LDLRAD4: variants seen among roughly 807,000 people sequenced by gnomAD.
LDLRAD4 encodes the protein low density lipoprotein receptor class A domain containing 4, also known as low-density lipoprotein receptor class A domain-containing protein 4.
In LDLRAD4, 5 loss-of-function variants were observed where a neutral mutation model predicts 17.0. That is an observed-to-expected ratio of 0.29 (90% CI 0.15 to 0.62). The LOEUF (loss-of-function observed/expected upper bound fraction) is 0.62. Among genes scored for constraint, LDLRAD4 ranks in the 20% least tolerant of loss-of-function variants. The pLI, the probability that LDLRAD4 is intolerant of heterozygous loss-of-function variation, is 0.84. For synonymous variants in LDLRAD4, 168 were observed against 171.8 expected, an observed-to-expected ratio of 0.98 and a Z score of 0.17; for missense variants, 340 against 424.7, an observed-to-expected ratio of 0.80 and a Z score of 1.75.
chr18:13,564,157 T>TA (rs2094569685), intron 3 of LDLRAD4, among the ~76,000 whole-genome samples: 1 of 152,248 alleles, frequency 6.6e-6, no homozygotes, highest in Admixed American at 6.5e-5. Flanking sequence ...GTTGGTATTA[T>TA]AGGCGTGAGT....
intron 2 of LDLRAD4, among the ~76,000 whole-genome samples, chr18:13,430,174 G>A (rs73956150): frequency 0.025 from 3,739 of 152,252 alleles, 131 homozygotes; most frequent in African/African-American, 0.085. Flanking sequence ...TGGGGCCCAC[G>A]TTTCTGCTGT....
intron 2 of LDLRAD4, among the ~76,000 whole-genome samples, 177 bp downstream of exon 3, chr18:13,387,939 C>T (rs2085950618): frequency 6.6e-6 from 1 of 152,172 alleles, no homozygotes; most frequent in Non-Finnish European, 1.5e-5. Flanking sequence ...TTTTCCTTCG[C>T]TCTCTCAATA....
intron 3 of LDLRAD4, among the ~76,000 whole-genome samples, chr18:13,457,326 A>C (rs972424392): frequency 6.6e-6 from 1 of 152,208 alleles, no homozygotes; most frequent in Non-Finnish European, 1.5e-5. Flanking sequence ...GGGGCAGGGC[A>C]TGGGGAAGAT....
rs1307004032 is a variant in LDLRAD4, at chr18:13,580,185, A to G, written c.182-40932A>G. Among the ~76,000 whole-genome samples the G allele has an allele frequency of 5.3e-5, 8 of 152,028 alleles. No individual in the cohort carries two copies. The East Asian group carries it at 1.5e-3, about 29-fold the overall frequency. ...TCTGTGCCTCGTGCATACTGTGCACACTCCCTGCTCAAAGCCTTCAGTGGC... is the reference window on the plus strand; with the variant it reads ...TCTGTGCCTCGTGCATACTGTGCACGCTCCCTGCTCAAAGCCTTCAGTGGC... On this transcript the variant is annotated intron_variant, in intron 3 of 5. Coordinates refer to ENST00000359446, the Ensembl canonical transcript of LDLRAD4.
chr18:13,277,020 A>G (rs754844357), upstream of LDLRAD4, among the ~76,000 whole-genome samples: 10 of 152,192 alleles, frequency 6.6e-5, no homozygotes, highest in Non-Finnish European at 1.2e-4. Flanking sequence ...TTCATCTCTC[A>G]GCAGGCAGGA....
chr18:13,271,476 C>G (rs900366080), intron 1 of LDLRAD4, among the ~76,000 whole-genome samples: 2 of 152,180 alleles, frequency 1.3e-5, no homozygotes, highest in South Asian at 2.1e-4. Flanking sequence ...CTTTTTGAGT[C>G]TGCCGAAGGA....
At chr18:13,420,801 A>G (rs1290543175) in intron 2 of LDLRAD4, 2 of 152,260 alleles carry the variant, frequency 1.3e-5, no homozygotes, top group Non-Finnish European at 2.9e-5. Flanking sequence ...ACAAATGACC[A>G]CAGAATACTC....
chr18:13,349,838 G>A (rs1440498920), intron 1 of LDLRAD4, among the ~76,000 whole-genome samples: 1 of 151,654 alleles, frequency 6.6e-6, no homozygotes, highest in East Asian at 1.9e-4. Context: ...CTGTGTCCGT[G>A]TGTTCTCACT....
At chr18:13,285,589 G>A (rs1305159008) in intron 1 of LDLRAD4, among the ~76,000 whole-genome samples, 1 of 152,218 alleles carries the variant, frequency 6.6e-6, no homozygotes, top group Non-Finnish European at 1.5e-5. Flanking sequence ...AGTGAGCTCA[G>A]TGCTTGGGAG....
rs78583500 is a variant in LDLRAD4, at chr18:13,551,569, G to A, written c.182-69548G>A. Among the ~76,000 whole-genome samples the A allele has an allele frequency of 4.5e-3, 691 of 152,270 alleles. 6 individuals carry two copies. Among genetic ancestry groups the A allele is most frequent in the African/African-American group, 0.016 (664 of 41,538 alleles). ...ATAGATGAAGAGTAGCCAAAACTCC[G>A]TAGAACTGGGGGGAGTTACTGAGCA... On this transcript the variant is annotated intron_variant, in intron 3 of 5. Transcript: ENST00000359446.
At chr18:13,581,154 C>T (rs920821168) in intron 3 of LDLRAD4, among the ~76,000 whole-genome samples, 2 of 152,054 alleles carry the variant, frequency 1.3e-5, no homozygotes, top group African/African-American at 4.8e-5. Flanking sequence ...TTATGCAGTG[C>T]GTAATAATTT....
rs2040703661 is a variant in LDLRAD4, at chr18:13,622,019, CG to C, written c.336+749del. On this transcript the variant is annotated intron_variant, in intron 4 of 5. Transcript: ENST00000359446. This position sits in a 1 kb window ranked among gnomAD's most constrained non-coding sequence, Gnocchi z 5.3. ...GGTTAGGAGCGGTGAGTTCAGCGAG[CG>C]TATAAATCCTTGGCTTCCGTGATGG... 6.6e-6 allele frequency among the ~76,000 whole-genome samples: 1 copy of C among 152,152 alleles called. No homozygotes were observed. The highest frequency in any genetic ancestry group is 1.5e-5 in the Non-Finnish European group (1 of 68,004).
chr18:13,566,542 T>C (rs2094604906), intron 3 of LDLRAD4, among the ~76,000 whole-genome samples: 1 of 152,122 alleles, frequency 6.6e-6, no homozygotes, highest in Non-Finnish European at 1.5e-5. Flanking sequence ...TTTGTATTTT[T>C]AGTAGAGACG....
At chr18:13,562,629 A>T (rs1008064328) in intron 3 of LDLRAD4, among the ~76,000 whole-genome samples, 12 of 152,118 alleles carry the variant, frequency 7.9e-5, no homozygotes, top group Non-Finnish European at 7.3e-5. Context: ...TTTGACTAAC[A>T]TCTCCCCATC....
At chr18:13,495,111 A>G (rs76464542) in intron 3 of LDLRAD4, among the ~76,000 whole-genome samples, 11,994 of 152,198 alleles carry the variant, frequency 0.079, 511 homozygotes, top group Non-Finnish European at 0.097. Flanking sequence ...GAATATACAT[A>G]TATGGGACTA....
chr18:13,634,728 C>G (rs1163430538), intron 4 of LDLRAD4, among the ~76,000 whole-genome samples: 3 of 150,170 alleles, frequency 2.0e-5, no homozygotes, highest in Non-Finnish European at 4.4e-5. Flanking sequence ...TCCATCCTAA[C>G]GTTTATATAT....
rs951339117 is a variant in LDLRAD4, at chr18:13,460,341, C to T, written c.181+21957C>T. ...CTGAGTAGCTGGAACTACAGGCACA[C>T]GCCACCATGCCTGGCTAATTTTTGT... On this transcript the variant is annotated intron_variant, in intron 3 of 5. Transcript: ENST00000359446. Among the ~76,000 whole-genome samples, 5 of 152,256 alleles carry T rather than the reference C, an allele frequency of 3.3e-5. 1 individual carries two copies. The highest frequency in any genetic ancestry group is 2.6e-4 in the Admixed American group (4 of 15,298).
intron 1 of LDLRAD4, among the ~76,000 whole-genome samples, chr18:13,318,053 C>T (rs1376930396): frequency 2.0e-5 from 3 of 152,154 alleles, no homozygotes; most frequent in Non-Finnish European, 4.4e-5. Context: ...GTTGAGTATA[C>T]ATCTGCCACT....
chr18:13,222,063 A>G (rs1036446471), intron 1 of LDLRAD4, among the ~76,000 whole-genome samples: 5 of 152,208 alleles, frequency 3.3e-5, no homozygotes, highest in African/African-American at 7.2e-5. Flanking sequence ...GTCTGGCTCA[A>G]TCCCCATGAG....
Sources: allele counts gnomAD v4.1 joint callset (sites outside exome capture counted in the v4.1 genomes callset), GRCh38; gene constraint gnomAD v4.1.1; non-coding constraint Gnocchi (gnomAD v3.1); transcripts MANE v1.5; gene names NCBI Gene and HGNC (gene_info 2026-07-23, HGNC 2026-07-21).